TSHZ2: variants seen among roughly 807,000 people sequenced by gnomAD.
TSHZ2 encodes the protein teashirt zinc finger homeobox 2.
A neutral mutation model predicts 74.4 loss-of-function variants in TSHZ2; 21 were observed. The ratio of observed to expected loss-of-function variants is 0.28; its 90% CI spans 0.20 to 0.41. The LOEUF is 0.41. Ranked by LOEUF, TSHZ2 falls within the 10% of genes least tolerant of loss-of-function variation. TSHZ2 has a pLI of 1.00. For missense variants in TSHZ2, 1,244 were observed against 1,293.5 expected (o/e 0.96, Z 0.59); for synonymous variants, 540 against 515.3 (o/e 1.05, Z -0.65).
chr20:53,370,615 T>C (rs552617900), intron 2 of TSHZ2, among the ~76,000 whole-genome samples: 1 of 152,060 alleles, frequency 6.6e-6, no homozygotes, highest in South Asian at 2.1e-4. Context: ...TTTTTAAAAA[T>C]TAGCCAGGCA....
At chr20:53,150,270 C>T (rs1239062204) in intron 1 of TSHZ2, among the ~76,000 whole-genome samples, 1 of 152,104 alleles carries the variant, frequency 6.6e-6, no homozygotes, top group Non-Finnish European at 1.5e-5. Context: ...GAATGATGAA[C>T]ACAGTGGGGA....
At position 53,298,818 on chromosome 20, in the gene TSHZ2, G is replaced by A. The variant is rs1036748677; in HGVS notation, c.*8+42247G>A. ...TTCTTAATCAAGTAAATTGTATATTGCAGTCCTTAAAAGAGATTGGTCACA... is the reference window on the plus strand; with the variant it reads ...TTCTTAATCAAGTAAATTGTATATTACAGTCCTTAAAAGAGATTGGTCACA... On this transcript the variant is annotated intron_variant, in intron 2 of 2. Transcript: ENST00000371497. 3.3e-5 allele frequency among the ~76,000 whole-genome samples: 5 copies of A among 152,156 alleles called. No homozygotes were observed. The South Asian group carries it at 8.3e-4, about 25-fold the overall frequency.
intron 1 of TSHZ2, among the ~76,000 whole-genome samples, chr20:53,059,414 C>G (rs879104624): frequency 6.6e-6 from 1 of 152,120 alleles, no homozygotes; most frequent in Admixed American, 6.5e-5. Flanking sequence ...AAAACTTAAA[C>G]AAGGTTAACA....
At chr20:53,266,341 G>A (rs1990716228) in intron 2 of TSHZ2, among the ~76,000 whole-genome samples, 2 of 152,146 alleles carry the variant, frequency 1.3e-5, no homozygotes, top group African/African-American at 2.4e-5. Context: ...GAAAGTATTT[G>A]TGCGCTCTGC....
At chr20:53,146,022 G>A (rs1319493091) in intron 1 of TSHZ2, among the ~76,000 whole-genome samples, 1 of 152,136 alleles carries the variant, frequency 6.6e-6, no homozygotes. Flanking sequence ...AGGAAAGGGT[G>A]GATCCAGGCA....
chr20:52,985,687 G>A lies in TSHZ2; in HGVS notation c.40+12354G>A, dbSNP rs557125418. 5.9e-5 allele frequency among the ~76,000 whole-genome samples: 9 copies of A among 152,288 alleles called. No individual in the cohort carries two copies. The East Asian group carries it at 1.7e-3, about 29-fold the overall frequency. On this transcript the variant is annotated intron_variant, in intron 1 of 2. Transcript: ENST00000371497. ...TGTCCACAAGACCTGGCACATAGAC[G>A]ATGCTCAATAAATATTATTTGAAGG...
intron 1 of TSHZ2, among the ~76,000 whole-genome samples, chr20:53,210,425 G>A (rs548935618): frequency 6.6e-6 from 1 of 152,202 alleles, no homozygotes; most frequent in Admixed American, 6.5e-5. Flanking sequence ...AGTTGGGAGG[G>A]GGATGGAGTG....
intron 2 of TSHZ2, among the ~76,000 whole-genome samples, chr20:53,275,656 G>A (rs781684542): frequency 2.6e-5 from 4 of 152,186 alleles, no homozygotes; most frequent in African/African-American, 4.8e-5. Flanking sequence ...GCCTGGGCAC[G>A]CTGGCTCATG....
chr20:53,136,726 T>G (rs556587051), intron 1 of TSHZ2, among the ~76,000 whole-genome samples: 4 of 152,240 alleles, frequency 2.6e-5, no homozygotes, highest in African/African-American at 9.6e-5. Flanking sequence ...TATTATAGTT[T>G]CCTTTCATTC....
At chr20:53,376,556 C>T (rs1467101614) in intron 2 of TSHZ2, among the ~76,000 whole-genome samples, 1 of 152,190 alleles carries the variant, frequency 6.6e-6, no homozygotes, top group African/African-American at 2.4e-5. Context: ...TGACCTGACT[C>T]AGCTAGGATG....
intron 1 of TSHZ2, among the ~76,000 whole-genome samples, chr20:53,175,412 A>G (rs1207824020): frequency 6.6e-6 from 1 of 151,848 alleles, no homozygotes. Flanking sequence ...AAAGTGCTGG[A>G]TTACAGGTGT....
At chr20:53,086,721 G>A (rs1243516650) in intron 1 of TSHZ2, among the ~76,000 whole-genome samples, 1 of 152,254 alleles carries the variant, frequency 6.6e-6, no homozygotes, top group South Asian at 2.1e-4. Context: ...CTGAAACCGT[G>A]TCTTCCCTTT....
At chr20:53,366,611 T>C (rs1014970845) in intron 2 of TSHZ2, among the ~76,000 whole-genome samples, 1 of 152,164 alleles carries the variant, frequency 6.6e-6, no homozygotes, top group Non-Finnish European at 1.5e-5. Context: ...CTTTCCCTTG[T>C]AAGGCTGCTG....
chr20:53,065,009 T>A (rs887684280), intron 1 of TSHZ2, among the ~76,000 whole-genome samples: 2 of 152,244 alleles, frequency 1.3e-5, no homozygotes, highest in Non-Finnish European at 2.9e-5. Context: ...GGATGGCAAC[T>A]TCTTTAAGGG....
intron 2 of TSHZ2, among the ~76,000 whole-genome samples, chr20:53,347,352 G>A (rs905044887): frequency 2.6e-5 from 4 of 152,120 alleles, no homozygotes; most frequent in African/African-American, 9.7e-5. Flanking sequence ...ATCACCACTG[G>A]CTGATAACCA....
chr20:53,208,081 T>C (rs1195862293), intron 1 of TSHZ2, among the ~76,000 whole-genome samples: 1 of 152,134 alleles, frequency 6.6e-6, no homozygotes, highest in African/African-American at 2.4e-5. Context: ...TAGATGCAAA[T>C]ATCTTTGACC....
At chr20:53,039,976 C>T (rs1487665519) in intron 1 of TSHZ2, among the ~76,000 whole-genome samples, 1 of 151,884 alleles carries the variant, frequency 6.6e-6, no homozygotes, top group African/African-American at 2.4e-5. Context: ...CGTGGAGGTG[C>T]AGGCCTGTAG....
At chr20:53,211,134 T>G (rs1198072960) in intron 1 of TSHZ2, among the ~76,000 whole-genome samples, 1 of 152,228 alleles carries the variant, frequency 6.6e-6, no homozygotes, top group African/African-American at 2.4e-5. Context: ...TTACTTGAAT[T>G]GAGTCATTTA....
intron 1 of TSHZ2, among the ~76,000 whole-genome samples, chr20:53,218,355 G>A (rs1021241809): frequency 6.6e-6 from 1 of 152,242 alleles, no homozygotes; most frequent in Non-Finnish European, 1.5e-5. Context: ...CTTTACAACA[G>A]TTGGCACAGG....
Sources: allele counts gnomAD v4.1 joint callset (sites outside exome capture counted in the v4.1 genomes callset), GRCh38; gene constraint gnomAD v4.1.1; transcripts MANE v1.5; gene names NCBI Gene and HGNC (gene_info 2026-07-23, HGNC 2026-07-21).